TEC: variants seen among roughly 807,000 people sequenced by gnomAD.
TEC encodes the protein tyrosine-protein kinase Tec.
In TEC, 72 loss-of-function variants were observed where a neutral mutation model predicts 93.0. The observed-to-expected ratio is 0.77, with a 90% CI of 0.64 to 0.94. The LOEUF is 0.94. Among genes scored for constraint, TEC ranks in the 40% least tolerant of loss-of-function variants. The pLI is 0.00. For synonymous variants in TEC, 249 were observed against 247.7 expected, an observed-to-expected ratio of 1.01 and a Z score of -0.05; for missense variants, 630 against 757.9, an observed-to-expected ratio of 0.83 and a Z score of 1.98.
intron 1 of TEC, among the ~76,000 whole-genome samples, chr4:48,245,944 T>C (rs941076505): frequency 6.6e-6 from 1 of 152,084 alleles, no homozygotes. Context: ...AACCCATCTC[T>C]ATTAAAAATA....
intron 1 of TEC, 110 bp from the exon 2 acceptor site, chr4:48,228,769 G>T: frequency 3.5e-6 from 3 of 859,552 alleles, no homozygotes; most frequent in Non-Finnish European, 5.1e-6. Context: ...GAGCAGATGA[G>T]TATTGATCTC....
At chr4:48,212,110 A>AAAAAAAAAAAAT in intron 2 of TEC, among the ~76,000 whole-genome samples, 4 of 122,252 alleles carry the variant, frequency 3.3e-5, no homozygotes, top group Non-Finnish European at 3.4e-5. Flanking sequence ...AAAAAAAAAA[A>AAAAAAAAAAAAT]ATATATATAT....
intron 2 of TEC, among the ~76,000 whole-genome samples, chr4:48,214,940 G>A (rs60145199): frequency 0.019 from 2,924 of 152,096 alleles, 34 homozygotes; most frequent in African/African-American, 0.038. Flanking sequence ...GTGACAAGAA[G>A]TGAGGAATTC....
At chr4:48,155,949 GC>G (rs1159694664) in intron 9 of TEC, 1 of 152,192 alleles carries the variant, frequency 6.6e-6, no homozygotes. Flanking sequence ...ACTTTTGAGA[GC>G]CAAACTGAAG....
chr4:48,257,796 T>C (rs540431924), intron 1 of TEC, among the ~76,000 whole-genome samples: 1 of 18,568 alleles, frequency 5.4e-5, no homozygotes, highest in African/African-American at 5.9e-5. Flanking sequence ...CCTGTCCACA[T>C]GCCCATTTAC....
chr4:48,264,512 G>C (rs1724582619), intron 1 of TEC, among the ~76,000 whole-genome samples: 1 of 152,166 alleles, frequency 6.6e-6, no homozygotes, highest in South Asian at 2.1e-4. Flanking sequence ...GAAAAGAATG[G>C]AAAAGGCTTC....
At chr4:48,238,748 C>T (rs889588400) in intron 1 of TEC, among the ~76,000 whole-genome samples, 2 of 149,924 alleles carry the variant, frequency 1.3e-5, no homozygotes, top group African/African-American at 2.5e-5. Context: ...GCCTTCTTTG[C>T]AGTAAAGTGT....
At chr4:48,150,398 T>C (rs531876743) in intron 10 of TEC, among the ~76,000 whole-genome samples, 1 of 152,272 alleles carries the variant, frequency 6.6e-6, no homozygotes, top group East Asian at 1.9e-4. Flanking sequence ...TGGATATCAC[T>C]TGGGAGAGCG....
chr4:48,163,868 A>T, intron 7 of TEC, 101 bp from the exon 8 acceptor site: 1 of 539,930 alleles, frequency 1.9e-6, no homozygotes. Flanking sequence ...ACATTGCTTA[A>T]AGCTTATTAT....
At chr4:48,235,009 GC>G (rs1723747402) in intron 1 of TEC, among the ~76,000 whole-genome samples, 1 of 151,948 alleles carries the variant, frequency 6.6e-6, no homozygotes, top group Non-Finnish European at 1.5e-5. Context: ...TAGAATGAGA[GC>G]TCCCACTGGG....
At chr4:48,161,695 C>T (rs6817928) in intron 8 of TEC, among the ~76,000 whole-genome samples, 11,536 of 150,734 alleles carry the variant, frequency 0.077, 528 homozygotes, top group South Asian at 0.13. Context: ...TGCAAAGTAT[C>T]GCTCCTGGGT....
intron 1 of TEC, among the ~76,000 whole-genome samples, chr4:48,260,415 C>T (rs186425880): frequency 2.6e-5 from 4 of 152,134 alleles, no homozygotes; most frequent in East Asian, 1.9e-4. Context: ...AAGGCCTCAT[C>T]GCTGCTTAAT....
chr4:48,204,891 C>T (rs917723992), intron 2 of TEC, among the ~76,000 whole-genome samples: 2 of 152,148 alleles, frequency 1.3e-5, no homozygotes, highest in African/African-American at 2.4e-5. Flanking sequence ...GGTACCAGTC[C>T]GTGGTGCAGG....
intron 1 of TEC, among the ~76,000 whole-genome samples, chr4:48,245,392 G>A (rs886638789): frequency 4.6e-5 from 7 of 151,412 alleles, no homozygotes; most frequent in African/African-American, 7.3e-5. Context: ...AAGACTTCAC[G>A]TACACGTGTA....
At chr4:48,248,376 A>G (rs1417370306) in intron 1 of TEC, among the ~76,000 whole-genome samples, 1 of 152,186 alleles carries the variant, frequency 6.6e-6, no homozygotes, top group Admixed American at 6.5e-5. Flanking sequence ...GCTTGCTCCT[A>G]CAGTCCTCAG....
intron 1 of TEC, among the ~76,000 whole-genome samples, chr4:48,252,515 T>C (rs531627866): frequency 5.3e-5 from 8 of 152,320 alleles, no homozygotes; most frequent in African/African-American, 1.9e-4. Context: ...ACTAGCTGGG[T>C]GATCTTGGGT....
intron 8 of TEC, among the ~76,000 whole-genome samples, chr4:48,157,536 G>A (rs1302067767): frequency 6.6e-6 from 1 of 152,138 alleles, no homozygotes; most frequent in Admixed American, 6.5e-5. Context: ...CTTTTTTTGA[G>A]ACAGAGTCTT....
chr4:48,240,990 G>T (rs925092636), intron 1 of TEC, among the ~76,000 whole-genome samples: 30 of 151,884 alleles, frequency 2.0e-4, no homozygotes, highest in Non-Finnish European at 1.3e-4. Context: ...TAATTTGATA[G>T]AAAACATTCT....
At chr4:48,262,239 C>T (rs1330796675) in intron 1 of TEC, among the ~76,000 whole-genome samples, 1 of 91,396 alleles carries the variant, frequency 1.1e-5, no homozygotes, top group Non-Finnish European at 2.1e-5. Context: ...CTCTGTTGCC[C>T]AGGCTGGAGT....
Sources: allele counts gnomAD v4.1 joint callset (sites outside exome capture counted in the v4.1 genomes callset), GRCh38; gene constraint gnomAD v4.1.1; transcripts MANE v1.5; gene names NCBI Gene and HGNC (gene_info 2026-07-23, HGNC 2026-07-21).